The following DLG1 variants were observed in gnomAD, a reference collection of about 807,000 sequenced individuals.
DLG1 encodes discs large MAGUK scaffold protein 1, also known as disks large homolog 1.
In DLG1, 42 loss-of-function variants were observed where a neutral mutation model predicts 123.4. The observed-to-expected ratio is 0.34, with a 90% CI of 0.27 to 0.44. The LOEUF is 0.44. Among genes scored for constraint, DLG1 ranks in the 20% least tolerant of loss-of-function variants. The pLI is 1.00. For synonymous variants in DLG1, 317 were observed against 356.2 expected (o/e 0.89, Z 1.24); for missense variants, 942 against 1,082.6 (o/e 0.87, Z 1.82).
At chr3:197,155,606 C>T (rs143950979) in intron 5 of DLG1, among the ~76,000 whole-genome samples, 1 of 151,748 alleles carries the variant, frequency 6.6e-6, no homozygotes, top group East Asian at 1.9e-4. Flanking sequence ...ATTGAAGAGA[C>T]CATTACATTT....
intron 5 of DLG1, among the ~76,000 whole-genome samples, chr3:197,160,388 C>T: frequency 6.7e-6 from 1 of 149,154 alleles, no homozygotes; most frequent in African/African-American, 2.5e-5. Context: ...AAAAACTGTA[C>T]TAATAAACTC....
chr3:197,136,266 T>C (rs1032721561), intron 10 of DLG1: 1 of 271,350 alleles, frequency 3.7e-6, no homozygotes, highest in Admixed American at 4.9e-5. Flanking sequence ...GACATTGTTT[T>C]ATAAACCTAA....
Position 197,119,453 on chromosome 3 carries a change from A to G in DLG1, c.1243T>C (p.Ser415Pro). 1 of 1,611,114 alleles carries G rather than the reference A, an allele frequency of 6.2e-7. No individual in the cohort carries two copies. Among genetic ancestry groups the G allele is most frequent in the Non-Finnish European group, 8.5e-7 (1 of 1,177,878 alleles). ...GQTPASPARY[S>P]PVSKAVLGDD... Reference sequence around the variant, plus strand: ...CCAAGTACTGCTTTAGAAACTGGGGAGTATCTGGCTGGAGATGCTGGTGTC... The same window carrying G: ...CCAAGTACTGCTTTAGAAACTGGGGGGTATCTGGCTGGAGATGCTGGTGTC... Residue 415 changes from serine (S) to proline (P), a missense_variant, in exon 12 of 25, where the codon TCC (serine) becomes CCC (proline). Ser to Pro is a moderately conservative substitution (Grantham distance 74). Transcript: ENST00000667157.
intron 3 of DLG1, among the ~76,000 whole-genome samples, chr3:197,290,897 T>TAAAAAAAAAAA: frequency 1.1e-5 from 1 of 87,970 alleles, no homozygotes; most frequent in Non-Finnish European, 2.1e-5. Context: ...CTCCAAATAG[T>TAAAAAAAAAAA]AAAAAAAAAA....
intron 5 of DLG1, chr3:197,194,208 T>C (rs571242116): frequency 8.0e-5 from 24 of 299,536 alleles, no homozygotes; most frequent in Non-Finnish European, 1.3e-4. Flanking sequence ...GACTTAAAGA[T>C]AGCATCACTG....
At chr3:197,113,732 TA>T (rs1771437408) in intron 13 of DLG1, among the ~76,000 whole-genome samples, 1 of 152,152 alleles carries the variant, frequency 6.6e-6, no homozygotes, top group South Asian at 2.1e-4. Context: ...TAAGATTAGA[TA>T]AAGAAAATTT....
intron 5 of DLG1, chr3:197,183,742 A>G (rs746692474): frequency 6.4e-7 from 1 of 1,550,502 alleles, no homozygotes; most frequent in Non-Finnish European, 8.7e-7. Flanking sequence ...CCATGGCTAG[A>G]GCTAGTATTG....
intron 5 of DLG1, among the ~76,000 whole-genome samples, chr3:197,153,539 A>C (rs192334576): frequency 6.6e-6 from 1 of 152,142 alleles, no homozygotes. Context: ...TTCTCATCAC[A>C]AAGGTGCAAA....
chr3:197,236,066 T>C (rs1349790077), intron 4 of DLG1, among the ~76,000 whole-genome samples: 7 of 152,112 alleles, frequency 4.6e-5, no homozygotes, highest in Admixed American at 3.9e-4. Flanking sequence ...GTAATCCCAG[T>C]ACTCTGGGAG....
chr3:197,089,209 A>G (rs556844725), intron 15 of DLG1, among the ~76,000 whole-genome samples: 12 of 152,318 alleles, frequency 7.9e-5, no homozygotes, highest in Admixed American at 2.0e-4. Context: ...GTTTTTCATT[A>G]TAAGTCTTTA....
At chr3:197,165,595 A>G (rs1421330837) in intron 5 of DLG1, among the ~76,000 whole-genome samples, 1 of 152,212 alleles carries the variant, frequency 6.6e-6, no homozygotes, top group Non-Finnish European at 1.5e-5. Flanking sequence ...ATCACCATTT[A>G]TATATTGTTC....
chr3:197,201,309 G>A (rs1446719281), intron 4 of DLG1, among the ~76,000 whole-genome samples: 2 of 152,180 alleles, frequency 1.3e-5, no homozygotes, highest in African/African-American at 2.4e-5. Context: ...GTGTGAACCC[G>A]GGAGGCGGAG....
At chr3:197,138,500 A>T in intron 8 of DLG1, 109 bp from the exon 9 acceptor site, 2 of 451,556 alleles carry the variant, frequency 4.4e-6, no homozygotes, top group Non-Finnish European at 6.5e-6. Context: ...GAGAATTATA[A>T]ATAATTCTGG....
chr3:197,161,935 A>G (rs1798944050), intron 5 of DLG1, among the ~76,000 whole-genome samples: 1 of 152,184 alleles, frequency 6.6e-6, no homozygotes, highest in Non-Finnish European at 1.5e-5. Flanking sequence ...CCCCATAATA[A>G]TTTTAATGAT....
intron 9 of DLG1, 44 bp downstream of exon 9, chr3:197,138,178 C>CA (rs1444475229): frequency 3.2e-6 from 4 of 1,262,266 alleles, no homozygotes; most frequent in Middle Eastern, 2.1e-4. Flanking sequence ...ATATTTAACT[C>CA]AGAGATTTCT....
At chr3:197,066,319 A>G (rs1461528587) in intron 20 of DLG1, among the ~76,000 whole-genome samples, 2 of 152,168 alleles carry the variant, frequency 1.3e-5, no homozygotes, top group East Asian at 1.9e-4. Context: ...GGATGAAAAG[A>G]AGGTCATAAA....
chr3:197,081,042 A>T lies in DLG1; in HGVS notation c.1905+9T>A. On this transcript the variant is annotated intron_variant, in intron 17 of 24. Transcript: ENST00000667157. ...GAATTACAAAAATGTAGAGATTTCA[A>T]ATACTCACCCCTTTATCTCTCGTTT... The T allele has an allele frequency of 6.2e-7, 1 of 1,609,974 alleles. No homozygotes were observed. Among genetic ancestry groups the T allele is most frequent in the Non-Finnish European group, 8.5e-7 (1 of 1,177,932 alleles).
At chr3:197,139,827 CTG>C (rs752219316) in intron 8 of DLG1, among the ~76,000 whole-genome samples, 4 of 152,124 alleles carry the variant, frequency 2.6e-5, no homozygotes, top group Non-Finnish European at 4.4e-5. Flanking sequence ...GGAAAATATT[CTG>C]TGAGTGTATC....
chr3:197,195,073 T>C lies in DLG1; in HGVS notation c.319-484A>G, dbSNP rs572552274. On this transcript the variant is annotated intron_variant, in intron 4 of 24. Coordinates refer to ENST00000667157, the MANE Select transcript of DLG1 (RefSeq NM_001366207.1). The stretch of plus-strand genomic sequence containing the variant: ...TCTCTCTCACACACACACACCTCTA[T>C]GCAATCTATTTCTAAAAAATTACCA... 1.4e-4 allele frequency among the ~76,000 whole-genome samples: 22 copies of C among 152,036 alleles called. No homozygotes were observed. In the South Asian group the frequency reaches 4.4e-3, roughly 30 times the overall value.
Sources: allele counts gnomAD v4.1 joint callset (sites outside exome capture counted in the v4.1 genomes callset), GRCh38; gene constraint gnomAD v4.1.1; transcripts MANE v1.5; gene names NCBI Gene and HGNC (gene_info 2026-07-23, HGNC 2026-07-21).